ZNG1B: variants seen among roughly 807,000 people sequenced by gnomAD.
ZNG1B encodes the protein Zn regulated GTPase metalloprotein activator 1B.
At chr2:113,472,622 G>T in the ZNG1B span, among the ~76,000 whole-genome samples, 5 of 152,044 alleles carry the variant, frequency 3.3e-5, no homozygotes, top group Non-Finnish European at 7.4e-5. Context: ...GTTTTAGGTT[G>T]AACGTTTAAG....
At chr2:113,456,068 A>G in the ZNG1B span, among the ~76,000 whole-genome samples, 1 of 151,870 alleles carries the variant, frequency 6.6e-6, no homozygotes, top group Non-Finnish European at 1.5e-5. Flanking sequence ...CTTTGCTGAA[A>G]TTGTGCTCTA....
chr2:113,472,256 G>C, the ZNG1B span, among the ~76,000 whole-genome samples: 1 of 152,062 alleles, frequency 6.6e-6, no homozygotes, highest in Non-Finnish European at 1.5e-5. Context: ...ATTTTTTCAT[G>C]TGTTCTTTGG....
At chr2:113,457,503 T>C in the ZNG1B span, among the ~76,000 whole-genome samples, 10 of 139,034 alleles carry the variant, frequency 7.2e-5, no homozygotes, top group African/African-American at 2.4e-4. Flanking sequence ...TTTTCTTTTC[T>C]TTCTTTCTCT....
the ZNG1B span, among the ~76,000 whole-genome samples, chr2:113,476,301 A>C: frequency 6.6e-6 from 1 of 151,568 alleles, no homozygotes; most frequent in Non-Finnish European, 1.5e-5. Context: ...AGGCTTCTGC[A>C]TTCTTCACGT....
the ZNG1B span, chr2:113,468,713 C>G: frequency 6.7e-6 from 1 of 149,650 alleles, no homozygotes; most frequent in African/African-American, 2.5e-5. Context: ...AATTAGTTTT[C>G]TAGTCGTATG....
the ZNG1B span, among the ~76,000 whole-genome samples, chr2:113,443,035 C>T: frequency 6.7e-6 from 1 of 149,976 alleles, no homozygotes. Flanking sequence ...GTGGCACAGT[C>T]TCGGGTCACT....
At chr2:113,487,513 C>T in the ZNG1B span, among the ~76,000 whole-genome samples, 1 of 151,836 alleles carries the variant, frequency 6.6e-6, no homozygotes, top group Non-Finnish European at 1.5e-5. Context: ...AAATTATACC[C>T]ATTGAACAGC....
At chr2:113,461,023 G>T in the ZNG1B span, among the ~76,000 whole-genome samples, 1 of 136,476 alleles carries the variant, frequency 7.3e-6, no homozygotes, top group East Asian at 2.6e-4. Flanking sequence ...TGGGATTGAA[G>T]ATTTTATATA....
At chr2:113,483,356 G>T in the ZNG1B span, among the ~76,000 whole-genome samples, 1 of 152,120 alleles carries the variant, frequency 6.6e-6, no homozygotes, top group African/African-American at 2.4e-5. Flanking sequence ...CTTTTGCCTG[G>T]CAAGAGTCTA....
At chr2:113,447,098 A>T in the ZNG1B span, among the ~76,000 whole-genome samples, 1 of 138,720 alleles carries the variant, frequency 7.2e-6, no homozygotes, top group African/African-American at 2.8e-5. Context: ...CAATAGAGTG[A>T]GTCACACACA....
chr2:113,437,704 C>T, the ZNG1B span: 1 of 1,510,786 alleles, frequency 6.6e-7, no homozygotes, highest in Non-Finnish European at 9.0e-7. Flanking sequence ...GGACGAGGCG[C>T]TTCTCGTCCA....
At chr2:113,452,122 T>A in the ZNG1B span, among the ~76,000 whole-genome samples, 10 of 152,250 alleles carry the variant, frequency 6.6e-5, no homozygotes, top group Non-Finnish European at 1.3e-4. Flanking sequence ...AGAACGGACA[T>A]TGATTCAGCC....
chr2:113,465,930 G>T, the ZNG1B span: 17 of 984,974 alleles, frequency 1.7e-5, no homozygotes, highest in Non-Finnish European at 1.9e-5. Context: ...CTATGGCAGA[G>T]ATTAGAGGTG....
chr2:113,453,291 T>G, the ZNG1B span: 1 of 1,548,400 alleles, frequency 6.5e-7, no homozygotes, highest in South Asian at 1.2e-5. Context: ...TTGCCCAGAC[T>G]GGAGTGCATG....
At chr2:113,446,758 ACG>A in the ZNG1B span, among the ~76,000 whole-genome samples, 200 of 135,856 alleles carry the variant, frequency 1.5e-3, no homozygotes, top group African/African-American at 5.4e-3. Context: ...ACACACACAC[ACG>A]CACATGCACA....
the ZNG1B span, chr2:113,455,474 G>A: frequency 1.7e-5 from 9 of 532,596 alleles, no homozygotes; most frequent in Non-Finnish European, 3.0e-5. Context: ...TTTAAATGAG[G>A]TTTAATTTAT....
At chr2:113,445,710 A>G in the ZNG1B span, among the ~76,000 whole-genome samples, 1 of 148,586 alleles carries the variant, frequency 6.7e-6, no homozygotes, top group African/African-American at 2.5e-5. Flanking sequence ...ATTTTCCCCA[A>G]ATAACTTTTA....
At chr2:113,453,139 G>A in the ZNG1B span, 1 of 1,587,444 alleles carries the variant, frequency 6.3e-7, no homozygotes, top group Non-Finnish European at 8.5e-7. Context: ...ATATTTTCAG[G>A]TGCAGTGGCT....
chr2:113,479,106 A>G, the ZNG1B span, among the ~76,000 whole-genome samples: 1 of 150,294 alleles, frequency 6.7e-6, no homozygotes, highest in Non-Finnish European at 1.5e-5. Flanking sequence ...GAAGACAGGA[A>G]AGTTTGGTAT....
Sources: gnomAD v4.1 joint callset for allele counts (sites outside exome capture counted in the v4.1 genomes callset) on GRCh38, gnomAD v4.1.1 for gene constraint, MANE v1.5 for transcripts, NCBI Gene and HGNC (gene_info 2026-07-23, HGNC 2026-07-21) for gene names.